Variants in RBFOX1 observed in about 807,000 individuals in gnomAD.
The protein encoded by RBFOX1 is RNA binding fox-1 homolog 1.
In RBFOX1, 8 loss-of-function variants were observed where a neutral mutation model predicts 57.7. The ratio of observed to expected loss-of-function variants is 0.14; its 90% CI spans 0.08 to 0.25. The LOEUF (loss-of-function observed/expected upper bound fraction) is 0.25. Ranked by LOEUF, RBFOX1 falls within the 10% of genes least tolerant of loss-of-function variation. The pLI is 1.00. For synonymous variants in RBFOX1, 326 were observed against 222.4 expected, an observed-to-expected ratio of 1.47 and a Z score of -4.15; for missense variants, 611 against 548.5, an observed-to-expected ratio of 1.11 and a Z score of -1.14.
intron 5 of RBFOX1, among the ~76,000 whole-genome samples, chr16:7,562,750 G>A (rs1000466992): frequency 3.9e-5 from 6 of 152,218 alleles, no homozygotes; most frequent in Admixed American, 2.0e-4. Context: ...GGAGGAGGAA[G>A]GTCCCAGAGG....
chr16:5,495,901 A>C (rs1321029165), intron 2 of RBFOX1, among the ~76,000 whole-genome samples: 1 of 152,196 alleles, frequency 6.6e-6, no homozygotes, highest in South Asian at 2.1e-4. Context: ...CGAGGCGGGC[A>C]GATCACCTGA....
At chr16:5,289,529 G>C (rs558406685) in intron 1 of RBFOX1, 3 of 186,760 alleles carry the variant, frequency 1.6e-5, no homozygotes, top group East Asian at 1.2e-4. Flanking sequence ...ATTTTGGATA[G>C]ATTTGTCTAA....
At chr16:5,271,544 C>T (rs2077995) in intron 1 of RBFOX1, among the ~76,000 whole-genome samples, 21,785 of 151,828 alleles carry the variant, frequency 0.14, 892 homozygotes, top group East Asian at 0.24. Context: ...GTCATGGCGA[C>T]GCAGGTTCAA....
chr16:6,504,363 G>A (rs2096030191), intron 2 of RBFOX1, among the ~76,000 whole-genome samples: 1 of 152,212 alleles, frequency 6.6e-6, no homozygotes, highest in African/African-American at 2.4e-5. Context: ...GTTTATTTCA[G>A]AGATCATTTG....
At chr16:6,031,934 A>G (rs1310922599) in intron 1 of RBFOX1, among the ~76,000 whole-genome samples, 1 of 152,162 alleles carries the variant, frequency 6.6e-6, no homozygotes, top group Non-Finnish European at 1.5e-5. Flanking sequence ...GTCTCACGAG[A>G]AAGGGGAGGT....
chr16:6,204,392 A>T (rs1045588852), intron 1 of RBFOX1, among the ~76,000 whole-genome samples: 2 of 152,194 alleles, frequency 1.3e-5, no homozygotes, highest in African/African-American at 4.8e-5. Context: ...GTTGTGGGGA[A>T]TCCACCTTTG....
At chr16:5,535,507 A>C (rs2044658610) in intron 2 of RBFOX1, among the ~76,000 whole-genome samples, 1 of 152,224 alleles carries the variant, frequency 6.6e-6, no homozygotes, top group South Asian at 2.1e-4. Context: ...AGGAGTTTAC[A>C]AATCCAGCTG....
At chr16:6,764,491 A>G (rs2077053837) in intron 3 of RBFOX1, among the ~76,000 whole-genome samples, 1 of 152,176 alleles carries the variant, frequency 6.6e-6, no homozygotes, top group Non-Finnish European at 1.5e-5. Flanking sequence ...CCATTCATTC[A>G]TCCCACGGAT....
chr16:6,520,664 G>A (rs1015761785), intron 2 of RBFOX1, among the ~76,000 whole-genome samples: 4 of 152,192 alleles, frequency 2.6e-5, no homozygotes, highest in East Asian at 1.9e-4. Context: ...CAGGACCCAG[G>A]ACAGTTCTGC....
At chr16:6,324,230 A>G (rs949773952) in intron 2 of RBFOX1, among the ~76,000 whole-genome samples, 1 of 149,804 alleles carries the variant, frequency 6.7e-6, no homozygotes, top group South Asian at 2.1e-4. Flanking sequence ...CAAGAACTAC[A>G]TAACTCTTAA....
At chr16:6,308,913 C>T (rs140147498) in intron 1 of RBFOX1, among the ~76,000 whole-genome samples, 3 of 152,180 alleles carry the variant, frequency 2.0e-5, no homozygotes, top group East Asian at 3.9e-4. Flanking sequence ...TTAAACTCTA[C>T]AGCACATTTT....
chr16:7,309,162 C>T (rs1011970820), intron 4 of RBFOX1, among the ~76,000 whole-genome samples: 2 of 152,196 alleles, frequency 1.3e-5, no homozygotes, highest in African/African-American at 4.8e-5. Flanking sequence ...AGAGGGATGT[C>T]TTACGTCGTA....
intron 3 of RBFOX1, among the ~76,000 whole-genome samples, chr16:6,671,925 T>C (rs2098767730): frequency 6.6e-6 from 1 of 152,216 alleles, no homozygotes; most frequent in South Asian, 2.1e-4. Context: ...CTTTAAAAAC[T>C]GTTGCGACTA....
At chr16:6,365,630 G>A (rs781694753) in intron 2 of RBFOX1, among the ~76,000 whole-genome samples, 126 of 152,298 alleles carry the variant, frequency 8.3e-4, no homozygotes, top group African/African-American at 2.9e-3. Flanking sequence ...ATAAGGATGA[G>A]ACCACTTCAC....
intron 4 of RBFOX1, among the ~76,000 whole-genome samples, chr16:7,355,784 T>A (rs2093389122): frequency 1.3e-5 from 2 of 152,208 alleles, no homozygotes. Flanking sequence ...AAACTGGACA[T>A]CATCAATCTT....
intron 1 of RBFOX1, among the ~76,000 whole-genome samples, chr16:6,158,521 C>T (rs1345931713): frequency 3.3e-5 from 5 of 152,166 alleles, no homozygotes; most frequent in Non-Finnish European, 5.9e-5. Flanking sequence ...ACATGATTGC[C>T]TTTCAGTGAA....
At chr16:6,483,851 T>C (rs945154795) in intron 2 of RBFOX1, 1 of 1,199,858 alleles carries the variant, frequency 8.3e-7, no homozygotes, top group Middle Eastern at 3.4e-4. Context: ...GTGGATGGAA[T>C]CCGGGAAACC....
chr16:6,963,700 A>T (rs1008586078), intron 3 of RBFOX1, among the ~76,000 whole-genome samples: 4 of 151,898 alleles, frequency 2.6e-5, no homozygotes, highest in African/African-American at 4.8e-5. Context: ...TATTTATTTT[A>T]TTATTATTAT....
At chr16:7,202,259 A>G (rs1328374300) in intron 4 of RBFOX1, among the ~76,000 whole-genome samples, 1 of 151,940 alleles carries the variant, frequency 6.6e-6, no homozygotes, top group Non-Finnish European at 1.5e-5. Context: ...TAAAAATTAC[A>G]ATGAGATACC....
Sources: gnomAD v4.1 joint callset for allele counts (sites outside exome capture counted in the v4.1 genomes callset) on GRCh38, gnomAD v4.1.1 for gene constraint, MANE v1.5 for transcripts, NCBI Gene and HGNC (gene_info 2026-07-23, HGNC 2026-07-21) for gene names.